PRX: variants seen among roughly 807,000 people sequenced by gnomAD.
PRX encodes periaxin.
Under a neutral mutation model 29.6 loss-of-function variants are expected in PRX, and 24 were observed. That is an observed-to-expected ratio of 0.81 (90% CI 0.59 to 1.14). PRX has a LOEUF of 1.14. Among genes scored for constraint, PRX ranks in the 50% most tolerant of loss-of-function variants. The pLI is 0.00. For missense variants in PRX, 1,838 were observed against 1,926.4 expected, an observed-to-expected ratio of 0.95 and a Z score of 0.86; for synonymous variants, 772 against 831.7, an observed-to-expected ratio of 0.93 and a Z score of 1.24.
chr19:40,398,526 A>G lies in PRX; in HGVS notation c.381+94T>C. ...TTGGGTTAGTGACAAGACAGAGGGC[A>G]AGGCTGGCCCACGATGGCGGGGAAT... On this transcript the variant is annotated intron_variant, in intron 6 of 6. Coordinates refer to ENST00000324001, the MANE Select transcript of PRX (RefSeq NM_181882.3). This position sits in a 1 kb window ranked among gnomAD's most constrained non-coding sequence, Gnocchi z 6.3. 1 of 1,587,178 alleles carries G rather than the reference A, an allele frequency of 6.3e-7. No homozygotes were observed. The highest frequency in any genetic ancestry group is 8.6e-7 in the Non-Finnish European group (1 of 1,168,554).
At chr19:40,403,970 T>G (rs1375979009) in intron 4 of PRX, 108 bp from the exon 5 acceptor site, 1 of 1,293,556 alleles carries the variant, frequency 7.7e-7, no homozygotes. Context: ...TTTATATATA[T>G]TTAGAGACGG....
Position 40,408,241 on chromosome 19 carries a change from G to A in PRX, c.-183C>T, listed in dbSNP as rs956505745. The A allele has an allele frequency of 1.5e-5, 8 of 529,712 alleles. No homozygotes were observed. The highest frequency in any genetic ancestry group is 6.4e-5 in the Admixed American group (2 of 31,340). The allele number at this position is 529,712 out of a possible 1,614,324, so 32.8% of individuals were successfully genotyped here. On this transcript the variant is annotated 5_prime_UTR_variant, in exon 3 of 7. It adds an upstream start codon to the 5' untranslated region. Coordinates refer to ENST00000324001, the MANE Select transcript of PRX (RefSeq NM_181882.3). Reference sequence around the variant, plus strand: ...CTGTCTGCAGGGCTCACGCCCTTCCGTGGGGTTCTTGCTGCCTGCCAGGGA... The same window carrying A: ...CTGTCTGCAGGGCTCACGCCCTTCCATGGGGTTCTTGCTGCCTGCCAGGGA...
intron 5 of PRX, among the ~76,000 whole-genome samples, chr19:40,399,947 TTC>T (rs549979702): frequency 2.1e-5 from 3 of 143,904 alleles, no homozygotes; most frequent in Non-Finnish European, 3.1e-5. Flanking sequence ...TTTCCTTTCT[TTC>T]TCTTTCTTTC....
chr19:40,401,894 T>C (rs1004886179), intron 5 of PRX, among the ~76,000 whole-genome samples: 1 of 152,026 alleles, frequency 6.6e-6, no homozygotes, highest in Non-Finnish European at 1.5e-5. Context: ...GCTGGGATTA[T>C]AGGCGCCTAC....
chr19:40,406,179 G>A (rs536658283), intron 4 of PRX, among the ~76,000 whole-genome samples: 29 of 151,362 alleles, frequency 1.9e-4, no homozygotes, highest in Admixed American at 1.7e-3. Flanking sequence ...CCTGGGAGGC[G>A]GAGGTTGCAG....
In PRX at chr19:40,397,635, C is replaced by A. The variant is rs761293957; in HGVS notation, c.717G>T (p.Pro239=). The part of the protein sequence containing the change: ...FTAPQVELVG[P]RLPGAEVGVP... The stretch of plus-strand genomic sequence containing the variant: ...CACCCACCTCCGCCCCTGGCAGCCG[C>A]GGCCCAACCAGCTCCACCTGAGGGG... The change falls in exon 7 of 7, where the codon CCG becomes CCT. Residue 239 remains proline, a synonymous_variant. Coordinates refer to ENST00000324001, the MANE Select transcript of PRX (RefSeq NM_181882.3). 170 of 1,543,878 alleles carry A rather than the reference C, an allele frequency of 1.1e-4. 1 individual carries two copies. In the East Asian group the frequency reaches 1.8e-3, roughly 16 times the overall value.
chr19:40,407,367 A>G (rs2079536747), intron 4 of PRX: 2 of 166,562 alleles, frequency 1.2e-5, no homozygotes, highest in Admixed American at 5.7e-5. Flanking sequence ...CAGTGGTTCA[A>G]TCATATCTCA....
intron 5 of PRX, among the ~76,000 whole-genome samples, chr19:40,401,837 G>A (rs1443202951): frequency 6.6e-6 from 1 of 150,426 alleles, no homozygotes; most frequent in South Asian, 2.1e-4. Flanking sequence ...GCGCGAACTC[G>A]GCTTACTGCA....
At position 40,396,933 on chromosome 19, in the gene PRX, C is replaced by G. The variant is rs781271734; in HGVS notation, c.1419G>C (p.Val473=). The part of the protein sequence containing the change: ...VRLPEVELPK[V]SEMKLPKVPE... ...GCACCTTTGGGAGTTTCATCTCTGACACCTTGGGGAGCTCCACCTCTGGGA... is the reference window on the plus strand; with the variant it reads ...GCACCTTTGGGAGTTTCATCTCTGAGACCTTGGGGAGCTCCACCTCTGGGA... Residue 473 remains valine (V), a synonymous_variant, in exon 7 of 7, where the codon GTG becomes GTC. Coordinates refer to ENST00000324001, the MANE Select transcript of PRX (RefSeq NM_181882.3). The G allele has an allele frequency of 1.2e-6, 2 of 1,614,214 alleles. No homozygotes were observed. The highest frequency in any genetic ancestry group is 1.7e-6 in the Non-Finnish European group (2 of 1,180,042).
intron 4 of PRX, chr19:40,407,661 G>T: frequency 1.6e-6 from 1 of 608,586 alleles, no homozygotes; most frequent in Non-Finnish European, 2.9e-6. Context: ...TATTAATTTA[G>T]CTCCTTTGTG....
chr19:40,394,900 G>C lies in PRX; in HGVS notation c.3452C>G (p.Ser1151Cys), dbSNP rs1161519895. The change falls in exon 7 of 7, where the codon TCC becomes TGC. Residue 1151 changes from serine (S) to cysteine (C), a missense_variant. Transcript: ENST00000324001. This position sits in a 1 kb window ranked among gnomAD's most constrained non-coding sequence, Gnocchi z 5.8. ...AGLRMPPLGI[S>C]LPQVELTGFG... ...GCCGGTCAGCTCCACCTGTGGCAGG[G>C]AGATGCCCAGCGGAGGCATCCTCAG... 6.2e-7 allele frequency: 1 copy of C among 1,610,904 alleles called. No individual in the cohort carries two copies. The highest frequency in any genetic ancestry group is 1.7e-5 in the Admixed American group (1 of 60,014).
rs1416313343 is a variant in PRX at position 40,397,090 on chromosome 19, T to G, written c.1262A>C (p.Lys421Thr). 2 of 1,614,092 alleles carry G rather than the reference T, an allele frequency of 1.2e-6. No individual in the cohort carries two copies. Among genetic ancestry groups the G allele is most frequent in the South Asian group, 2.2e-5 (2 of 91,088 alleles). The change falls in exon 7 of 7, where the codon AAG becomes ACG. Residue 421 changes from lysine (K) to threonine (T), a missense_variant. Physicochemically the swap from Lys to Thr is moderately conservative, Grantham distance 78 (BLOSUM62 -1). Around this residue, in one of 3 missense-constraint regions of PRX, gnomAD observed 666 missense variants for 665.0 expected, o/e 1.00. Transcript: ENST00000324001. ...VESKLKLPTI[K>T]MPSLGIGVSG... ...CACTCCGATGCCAAGGGAGGGCATCTTGATGGTGGGCAGCTTCAGCTTGCT... is the reference window on the plus strand; with the variant it reads ...CACTCCGATGCCAAGGGAGGGCATCGTGATGGTGGGCAGCTTCAGCTTGCT...
upstream of PRX, among the ~76,000 whole-genome samples, chr19:40,414,705 C>T (rs1450781578): frequency 3.3e-5 from 5 of 152,152 alleles, no homozygotes; most frequent in East Asian, 5.8e-4. Flanking sequence ...CTCACCAGAC[C>T]CCGGGGGGCG....
At chr19:40,406,805 A>G (rs268670) in intron 4 of PRX, among the ~76,000 whole-genome samples, 141,655 of 143,562 alleles carry the variant, frequency 0.99, 69,887 homozygotes, top group East Asian at 1. Flanking sequence ...ACAGAGTCTC[A>G]CTGTGACCCT....
intron 1 of PRX, among the ~76,000 whole-genome samples, chr19:40,411,744 C>T (rs28679850): frequency 0.055 from 8,433 of 152,214 alleles, 788 homozygotes; most frequent in African/African-American, 0.19. Context: ...GCCTATCCCA[C>T]TAGGCAGGGG....
intron 1 of PRX, among the ~76,000 whole-genome samples, chr19:40,408,846 TGAGA>T (rs974978665): frequency 6.7e-6 from 1 of 148,240 alleles, no homozygotes; most frequent in East Asian, 2.0e-4. Flanking sequence ...TGTGTGTGTG[TGAGA>T]GAGAGAGTTT....
At chr19:40,407,708 C>T in intron 4 of PRX, 198 bp downstream of exon 4, 1 of 722,862 alleles carries the variant, frequency 1.4e-6, no homozygotes, top group East Asian at 2.7e-5. Context: ...TTAGCCTGTG[C>T]CAGATGCTGC....
At position 40,403,749 on chromosome 19, in the gene PRX, C is replaced by A. The variant is rs1385772758; in HGVS notation, c.141G>T (p.Leu47=). 7.6e-6 allele frequency: 12 copies of A among 1,579,124 alleles called. No individual in the cohort carries two copies. The highest frequency in any genetic ancestry group is 1.0e-5 in the Non-Finnish European group (12 of 1,163,898). The change falls in exon 5 of 7, where the codon CTG becomes CTT. Residue 47 remains leucine (L), a synonymous_variant. Coordinates refer to ENST00000324001, the MANE Select transcript of PRX (RefSeq NM_181882.3). ...GGKEGIFVRE[L]REDSPAARSL... is the part of the protein sequence containing the mutation. ...TCCTGGCGGCGGGTGAGTCCTCGCG[C>A]AGCTCCCGAACGAAGATTCCCTCTT... is the stretch of plus-strand genomic sequence containing the variant.
In PRX at chr19:40,398,603, G is replaced by A. The variant is rs929384396; in HGVS notation, c.381+17C>T. 2.5e-6 allele frequency: 4 copies of A among 1,612,556 alleles called. No individual in the cohort carries two copies. The highest frequency in any genetic ancestry group is 2.7e-5 in the African/African-American group (2 of 74,906). ...GCTGGGGCAGTCCAGGGCCGGGGCC[G>A]GGCTAAGCACGCGTACCAGCTTGGC... is the stretch of plus-strand genomic sequence containing the variant. On this transcript the variant is annotated intron_variant, in intron 6 of 6. Coordinates refer to ENST00000324001, the MANE Select transcript of PRX (RefSeq NM_181882.3). The surrounding 1 kb of genome is among the most constrained non-coding windows in gnomAD (Gnocchi z 6.3).
Sources: allele counts gnomAD v4.1 joint callset (sites outside exome capture counted in the v4.1 genomes callset), GRCh38; gene constraint gnomAD v4.1.1; regional missense constraint gnomAD v4.1.1; non-coding constraint Gnocchi (gnomAD v3.1); transcripts MANE v1.5; gene names NCBI Gene and HGNC (gene_info 2026-07-23, HGNC 2026-07-21).